The following ANKZF1 variants were observed in gnomAD, a reference collection of about 807,000 sequenced individuals.
The protein encoded by ANKZF1 is ankyrin repeat and zinc finger peptidyl tRNA hydrolase 1.
Under a neutral mutation model 86.0 loss-of-function variants are expected in ANKZF1, and 84 were observed. The ratio of observed to expected loss-of-function variants is 0.98; its 90% CI spans 0.82 to 1.17. The LOEUF (loss-of-function observed/expected upper bound fraction) is 1.17, where lower values mean the gene tolerates loss of function less well. ANKZF1 is among the 50% of genes most tolerant of loss of function. The pLI, the probability that ANKZF1 is intolerant of heterozygous loss-of-function variation, is 0.00. For synonymous variants in ANKZF1, 331 were observed against 354.2 expected (o/e 0.93, Z 0.74); for missense variants, 893 against 918.4 (o/e 0.97, Z 0.36).
chr2:219,230,263 GC>G lies in ANKZF1; in HGVS notation c.8del (p.Pro3ArgfsTer27). ...TAAATAATTTCTGCTCAGCCATGTCGCCGGCTCCAGATGCAGCCCCGGCTCC... is the reference window on the plus strand; with the variant it reads ...TAAATAATTTCTGCTCAGCCATGTCGCGGCTCCAGATGCAGCCCCGGCTCC... MS[P>X]APDAAPAPAS... On this transcript the variant is annotated frameshift_variant, in exon 2 of 14. Coordinates refer to ENST00000323348, the MANE Select transcript of ANKZF1 (RefSeq NM_018089.3). LOFTEE classifies it high-confidence loss of function. The G allele has an allele frequency of 6.2e-7, 1 of 1,612,698 alleles. No individual in the cohort carries two copies. Among genetic ancestry groups the G allele is most frequent in the East Asian group, 2.2e-5 (1 of 44,798 alleles).
intron 2 of ANKZF1, chr2:219,231,577 G>A (rs777897785): frequency 7.4e-5 from 17 of 230,350 alleles, no homozygotes; most frequent in Non-Finnish European, 1.1e-4. Flanking sequence ...TGTATTTTTA[G>A]TAGAGACGGG....
At chr2:219,232,941 A>T (rs1951085518) in intron 5 of ANKZF1, 138 bp from the exon 6 acceptor site, 1 of 954,248 alleles carries the variant, frequency 1.0e-6, no homozygotes, top group Non-Finnish European at 1.6e-6. Context: ...GCCAAGCCTC[A>T]AATTTCCTTG....
Position 219,235,185 on chromosome 2 carries a change from A to G in ANKZF1, c.1564A>G (p.Arg522Gly). Residue 522 changes from arginine (R) to glycine (G), a missense_variant, in exon 10 of 14, where the codon AGA becomes GGA. Coordinates refer to ENST00000323348, the MANE Select transcript of ANKZF1 (RefSeq NM_018089.3). Reference sequence around the variant, plus strand: ...GCTAGCTCCCAGCCCTGCAGACCCTAGAGTTCTGTCTCTGCTCAGTGCCCC... The same window carrying G: ...GCTAGCTCCCAGCCCTGCAGACCCTGGAGTTCTGTCTCTGCTCAGTGCCCC... ...LQLAPSPADP[R>G]VLSLLSAPLG... 1.2e-6 allele frequency: 2 copies of G among 1,614,092 alleles called. No homozygotes were observed. The highest frequency in any genetic ancestry group is 1.7e-5 in the Admixed American group (1 of 60,018).
At position 219,234,992 on chromosome 2, in the gene ANKZF1, T is replaced by C. The variant is rs766385438; in HGVS notation, c.1371T>C (p.Thr457=). ...SRDQEAGAHR[T]LLQQTQEEEP... is the part of the protein sequence containing the mutation. Reference sequence around the variant, plus strand: ...ACCAGGAGGCTGGGGCACATCGGACTCTTCTCCAGCAAACTCAAGAAGAGG... The same window carrying C: ...ACCAGGAGGCTGGGGCACATCGGACCCTTCTCCAGCAAACTCAAGAAGAGG... Residue 457 remains threonine, a synonymous_variant, in exon 10 of 14, where the codon ACT becomes ACC. Transcript: ENST00000323348. 1.2e-6 allele frequency: 2 copies of C among 1,614,258 alleles called. No homozygotes were observed. The highest frequency in any genetic ancestry group is 1.7e-6 in the Non-Finnish European group (2 of 1,180,048).
Position 219,233,272 on chromosome 2 carries a change from T to G in ANKZF1, c.672-14T>G. ...ACCAGCTGGTCTCCAGTACTGAGTC[T>G]GTGCTGTCTACAGAAGAGAAGTGGT... On this transcript the variant is annotated splice_polypyrimidine_tract_variant and intron_variant, in intron 6 of 13. Transcript: ENST00000323348. The G allele has an allele frequency of 2.5e-6, 4 of 1,614,214 alleles. No individual in the cohort carries two copies. The highest frequency in any genetic ancestry group is 3.4e-6 in the Non-Finnish European group (4 of 1,180,022).
At position 219,235,530 on chromosome 2, in the gene ANKZF1, AG is replaced by A. The variant is rs1559258671; in HGVS notation, c.1749del (p.Glu583AspfsTer24). Reference protein sequence around the residue: ...TVAADKSTRNEFRRFMEKNPD... With the variant: ...TVAADKSTRNXFRRFMEKNPD... ...GCGGCTGACAAATCAACACGTAATG[AG>A]TTCCGAAGGTTCATGGAGAAGAATC... On this transcript the variant is annotated frameshift_variant, in exon 11 of 14. Coordinates refer to ENST00000323348, the MANE Select transcript of ANKZF1 (RefSeq NM_018089.3). LOFTEE classifies it high-confidence loss of function. The A allele has an allele frequency of 6.2e-7, 1 of 1,614,068 alleles. No homozygotes were observed. The highest frequency in any genetic ancestry group is 8.5e-7 in the Non-Finnish European group (1 of 1,180,014).
Position 219,230,401 on chromosome 2 carries a change from T to C in ANKZF1, c.144T>C (p.Cys48=), listed in dbSNP as rs1188115624. ...EALARAPRTS[C]SGSGERESPE... ...TGGCCCGGGCTCCGCGTACTTCCTG[T>C]TCAGGTATCCTGGAAGGTTTCGTGT... Residue 48 remains cysteine, a synonymous_variant, in exon 2 of 14, where the codon TGT becomes TGC. Transcript: ENST00000323348. The C allele has an allele frequency of 6.2e-7, 1 of 1,606,814 alleles. No individual in the cohort carries two copies. Among genetic ancestry groups the C allele is most frequent in the Non-Finnish European group, 8.5e-7 (1 of 1,174,658 alleles).
At position 219,236,570 on chromosome 2, in the gene ANKZF1, A is replaced by G; in HGVS notation, c.*125A>G. 3 of 1,284,988 alleles carry G rather than the reference A, an allele frequency of 2.3e-6. No homozygotes were observed. Among genetic ancestry groups the G allele is most frequent in the Non-Finnish European group, 3.2e-6 (3 of 942,914 alleles). 79.6% of individuals were successfully genotyped at this position (1,284,988 alleles called of 1,614,324 possible). A position where few individuals can be genotyped will look rare whatever the true frequency, so the allele number is the denominator to read the frequency against. ...AAGATGGGGGTGAAGGACACTCGGG[A>G]ACTAGGGCAAAGACAGGGCTAGAGG... On this transcript the variant is annotated 3_prime_UTR_variant, in exon 14 of 14. Transcript: ENST00000323348.
intron 8 of ANKZF1, 61 bp from the exon 9 acceptor site, chr2:219,234,072 G>C (rs1951129248): frequency 6.3e-7 from 1 of 1,576,572 alleles, no homozygotes; most frequent in East Asian, 2.2e-5. Context: ...TCTGCATTGA[G>C]AGAAACCTGC....
chr2:219,230,703 A>G (rs965175764), intron 2 of ANKZF1: 1 of 277,730 alleles, frequency 3.6e-6, no homozygotes, highest in Non-Finnish European at 6.7e-6. Flanking sequence ...CACTCAAATT[A>G]TTCCTTTTTG....
At chr2:219,233,534 C>T in intron 7 of ANKZF1, 101 bp downstream of exon 7, 4 of 1,445,772 alleles carry the variant, frequency 2.8e-6, no homozygotes, top group Middle Eastern at 1.8e-4. Flanking sequence ...CATATCCTTC[C>T]AATTTTCATT....
At position 219,234,807 on chromosome 2, in the gene ANKZF1, A is replaced by T. The variant is rs1207738636; in HGVS notation, c.1205-19A>T. The T allele has an allele frequency of 6.3e-7, 1 of 1,595,030 alleles. No homozygotes were observed. Among genetic ancestry groups the T allele is most frequent in the East Asian group, 2.2e-5 (1 of 44,648 alleles). ...TGAGTACTCCCTAGATGGATTTCAC[A>T]TGTCAGGTTTTTCCCTAGGTTCAGG... On this transcript the variant is annotated intron_variant, in intron 9 of 13. Coordinates refer to ENST00000323348, the MANE Select transcript of ANKZF1 (RefSeq NM_018089.3).
At chr2:219,230,168 AG>A (rs1950986055) in intron 1 of ANKZF1, 59 bp from the exon 2 acceptor site, 1 of 1,458,674 alleles carries the variant, frequency 6.9e-7, no homozygotes, top group African/African-American at 1.4e-5. Context: ...GGCAGGCAGG[AG>A]ACGCAGCAGT....
At chr2:219,230,092 A>T in intron 1 of ANKZF1, 136 bp from the exon 2 acceptor site, 1 of 658,684 alleles carries the variant, frequency 1.5e-6, no homozygotes, top group Non-Finnish European at 2.5e-6. Context: ...GGGCCAAGGT[A>T]TTCATCTCAC....
chr2:219,231,077 C>G (rs900556339), intron 2 of ANKZF1: 1 of 152,276 alleles, frequency 6.6e-6, no homozygotes, highest in Non-Finnish European at 1.5e-5. Flanking sequence ...TCTTTTCTTG[C>G]ACCTCTCCTT....
rs765127798 is a variant in ANKZF1 at position 219,235,150 on chromosome 2, T to C, written c.1529T>C (p.Leu510Pro). The change falls in exon 10 of 14, where the codon CTA becomes CCA. Residue 510 changes from leucine (L) to proline (P), a missense_variant. By Grantham distance (98) the Leu-to-Pro change is moderately conservative (BLOSUM62 -3). Coordinates refer to ENST00000323348, the MANE Select transcript of ANKZF1 (RefSeq NM_018089.3). ...TGCCGAGCTGGAGATGTTGGAGTGC[T>C]AAAGCTGCAGCTAGCTCCCAGCCCT... Reference protein sequence around the residue: ...AACRAGDVGVLKLQLAPSPAD... With the variant: ...AACRAGDVGVPKLQLAPSPAD... 9 of 1,614,112 alleles carry C rather than the reference T, an allele frequency of 5.6e-6. No homozygotes were observed. In the African/African-American group the frequency reaches 9.3e-5, roughly 17 times the overall value.
rs1305924170 is a variant in ANKZF1 at position 219,233,169 on chromosome 2, T to C, written c.649T>C (p.Phe217Leu). The part of the protein sequence containing the change: ...CVVLMAAAGH[F>L]AGAIFQGREV... ...GGTGCTCATGGCTGCAGCTGGGCACTTTGCTGGTGCTATATTTCAAGGGTG... is the reference window on the plus strand; with the variant it reads ...GGTGCTCATGGCTGCAGCTGGGCACCTTGCTGGTGCTATATTTCAAGGGTG... The change falls in exon 6 of 14, where the codon TTT (phenylalanine) becomes CTT (leucine). Residue 217 changes from phenylalanine (F) to leucine (L), a missense_variant. Phe to Leu is a conservative substitution (Grantham distance 22). Coordinates refer to ENST00000323348, the MANE Select transcript of ANKZF1 (RefSeq NM_018089.3). 2.5e-6 allele frequency: 4 copies of C among 1,614,216 alleles called. No homozygotes were observed. Among genetic ancestry groups the C allele is most frequent in the Non-Finnish European group, 2.5e-6 (3 of 1,180,032 alleles).
chr2:219,230,529 T>A (rs1479053500), intron 2 of ANKZF1, 124 bp downstream of exon 2: 3 of 1,272,580 alleles, frequency 2.4e-6, no homozygotes, highest in Non-Finnish European at 3.2e-6. Context: ...TTCTGCTTGA[T>A]TAAATTCACT....
chr2:219,234,305 G>A lies in ANKZF1; in HGVS notation c.1204+17G>A. The A allele has an allele frequency of 1.2e-6, 2 of 1,613,768 alleles. No homozygotes were observed. Among genetic ancestry groups the A allele is most frequent in the Non-Finnish European group, 1.7e-6 (2 of 1,179,996 alleles). ...CCAAACAGGGTTTGATTACTATCTG[G>A]CAACTGTCAGATCTGAGTTTCTGTC... is the stretch of plus-strand genomic sequence containing the variant. On this transcript the variant is annotated intron_variant, in intron 9 of 13. Coordinates refer to ENST00000323348, the MANE Select transcript of ANKZF1 (RefSeq NM_018089.3).
Sources: gnomAD v4.1 joint callset for allele counts on GRCh38, gnomAD v4.1.1 for gene constraint, MANE v1.5 for transcripts, NCBI Gene and HGNC (gene_info 2026-07-23, HGNC 2026-07-21) for gene names.